The following AACS variants were observed in gnomAD, a reference collection of about 807,000 sequenced individuals.
AACS encodes acetoacetate-CoA ligase.
Under a neutral mutation model 83.1 loss-of-function variants are expected in AACS, and 69 were observed. The observed-to-expected ratio is 0.83, with a 90% CI of 0.68 to 1.01. The LOEUF is 1.01. AACS is among the 50% of genes least tolerant of loss of function. The pLI is 0.00. For missense variants in AACS, 866 were observed against 882.2 expected (o/e 0.98, Z 0.23); for synonymous variants, 333 against 343.4 (o/e 0.97, Z 0.33).
chr12:125,121,019 G>A (rs891395624), intron 10 of AACS: 2 of 152,344 alleles, frequency 1.3e-5, no homozygotes, highest in Non-Finnish European at 2.9e-5. Context: ...ACGCGTACAT[G>A]TGCAAGTGTT....
At chr12:125,070,970 A>G (rs1037150946) in intron 1 of AACS, among the ~76,000 whole-genome samples, 2 of 152,220 alleles carry the variant, frequency 1.3e-5, no homozygotes, top group African/African-American at 4.8e-5. Context: ...TCAGCCCAAA[A>G]GTTAGCGACT....
intron 4 of AACS, among the ~76,000 whole-genome samples, chr12:125,090,666 A>T (rs1327335541): frequency 6.7e-6 from 1 of 149,668 alleles, no homozygotes; most frequent in Non-Finnish European, 1.5e-5. Context: ...TCTATCCTCC[A>T]TCTGTCATCC....
Position 125,090,442 on chromosome 12 carries a change from CATCCATCCAACT to C in AACS, c.473-971_473-960del, listed in dbSNP as rs1479440071. ...TCTTCCATTCATCATCCTCATCCAC[CATCCATCCAACT>C]ATCCATCCAACTGTCTATACATTCT... On this transcript the variant is annotated intron_variant, in intron 4 of 17. Coordinates refer to ENST00000316519, the MANE Select transcript of AACS (RefSeq NM_023928.5). Among the ~76,000 whole-genome samples, 40 of 152,206 alleles carry C rather than the reference CATCCATCCAACT, an allele frequency of 2.6e-4. 1 individual carries two copies. In the South Asian group the frequency reaches 8.1e-3, roughly 31 times the overall value.
Position 125,136,879 on chromosome 12 carries a change from C to T in AACS, c.1881+15C>T, listed in dbSNP as rs199809157. ...AGGGCATCCCGGTATGGCCATCTCC[C>T]GCCAGCGAGGAGACCGCAGCCATCG... On this transcript the variant is annotated intron_variant, in intron 17 of 17. Coordinates refer to ENST00000316519, the MANE Select transcript of AACS (RefSeq NM_023928.5). The T allele has an allele frequency of 1.3e-4, 212 of 1,610,676 alleles. No individual in the cohort carries two copies. The highest frequency in any genetic ancestry group is 1.8e-4 in the Non-Finnish European group (210 of 1,179,344).
Position 125,132,772 on chromosome 12 carries a change from A to G in AACS, c.1550-1231A>G, listed in dbSNP as rs117211287. On this transcript the variant is annotated intron_variant, in intron 14 of 17. Transcript: ENST00000316519. ...CCTCCCAGGGACCATGCACTCCTGT[A>G]CACAGTCCCCTTGGCCTTCGTCCCC... Among the ~76,000 whole-genome samples the G allele has an allele frequency of 2.0e-4, 30 of 152,264 alleles. No individual in the cohort carries two copies. The East Asian group carries it at 5.6e-3, about 28-fold the overall frequency.
At chr12:125,088,336 G>T (rs59349542) in intron 4 of AACS, among the ~76,000 whole-genome samples, 5,191 of 151,798 alleles carry the variant, frequency 0.034, 182 homozygotes, top group East Asian at 0.091. Context: ...GGGCTCAAGG[G>T]ATCCTCCTAC....
chr12:125,102,091 C>CAAAA (rs1491144670), intron 5 of AACS: 1 of 147,468 alleles, frequency 6.8e-6, no homozygotes, highest in African/African-American at 2.6e-5. Context: ...AAAAAAAAAA[C>CAAAA]CAGAATCTTG....
chr12:125,085,010 G>A (rs1161983023), intron 3 of AACS, among the ~76,000 whole-genome samples: 1 of 152,016 alleles, frequency 6.6e-6, no homozygotes, highest in African/African-American at 2.4e-5. Context: ...ACTTCTCTCA[G>A]CCTATATAAC....
chr12:125,095,926 C>T (rs1016189938), intron 5 of AACS, among the ~76,000 whole-genome samples: 11 of 152,230 alleles, frequency 7.2e-5, no homozygotes, highest in Non-Finnish European at 1.5e-4. Context: ...AAGTCACTCA[C>T]CCCGTTCCTG....
At position 125,130,778 on chromosome 12, in the gene AACS, C is replaced by T. The variant is rs1401937164; in HGVS notation, c.1549+1318C>T. Among the ~76,000 whole-genome samples the T allele has an allele frequency of 6.6e-6, 1 of 152,126 alleles. No homozygotes were observed. The highest frequency in any genetic ancestry group is 1.5e-5 in the Non-Finnish European group (1 of 68,032). ...TGCTTTGTTTTTGTAGTCCTCTTAC[C>T]TTTAGGGTAAGATTTTGCTTCTCTT... On this transcript the variant is annotated intron_variant, in intron 14 of 17. Coordinates refer to ENST00000316519, the MANE Select transcript of AACS (RefSeq NM_023928.5). The surrounding 1 kb of genome is among the most constrained non-coding windows in gnomAD (Gnocchi z 4.9).
intron 16 of AACS, among the ~76,000 whole-genome samples, chr12:125,135,090 A>G (rs746352675): frequency 1.3e-5 from 2 of 149,946 alleles, no homozygotes; most frequent in Non-Finnish European, 3.0e-5. Flanking sequence ...ATTATAGCTC[A>G]TCCTCCCGGT....
chr12:125,076,574 GCA>G lies in AACS; in HGVS notation c.324_325del (p.His108GlnfsTer4), dbSNP rs1956028527. The G allele has an allele frequency of 7.4e-6, 12 of 1,614,140 alleles. No individual in the cohort carries two copies. The highest frequency in any genetic ancestry group is 1.0e-5 in the Non-Finnish European group (12 of 1,179,998). ...RLNYAENLLR[H>X]KENDRVALYI... is the part of the protein sequence containing the mutation. Reference sequence around the variant, plus strand: ...TCAACTATGCAGAAAACCTCCTGCGGCACAAAGAGAATGACAGAGTTGCCCTT... The same window carrying G: ...TCAACTATGCAGAAAACCTCCTGCGGCAAAGAGAATGACAGAGTTGCCCTT... On this transcript the variant is annotated frameshift_variant, in exon 3 of 18. Transcript: ENST00000316519. LOFTEE classifies it high-confidence loss of function.
At chr12:125,068,317 G>A (rs1422699813) in intron 1 of AACS, among the ~76,000 whole-genome samples, 1 of 152,162 alleles carries the variant, frequency 6.6e-6, no homozygotes, top group Non-Finnish European at 1.5e-5. Flanking sequence ...AAATTATCTG[G>A]GTGTGGTGGC....
rs765670318 is a variant in AACS, at chr12:125,114,436, G to A, written c.916-41G>A. The A allele has an allele frequency of 8.3e-6, 13 of 1,568,518 alleles. No homozygotes were observed. In the East Asian group the frequency reaches 2.9e-4, roughly 35 times the overall value. On this transcript the variant is annotated intron_variant, in intron 8 of 17. Coordinates refer to ENST00000316519, the MANE Select transcript of AACS (RefSeq NM_023928.5). ...AGGTACCAGATTCCTGGTACTGTAT[G>A]CCTAACAGAGAGCACCCGCTCCCCC...
Position 125,134,091 on chromosome 12 carries a change from G to T in AACS, c.1619+19G>T. 1 of 1,611,590 alleles carries T rather than the reference G, an allele frequency of 6.2e-7. No individual in the cohort carries two copies. The highest frequency in any genetic ancestry group is 8.5e-7 in the Non-Finnish European group (1 of 1,179,120). On this transcript the variant is annotated intron_variant, in intron 15 of 17. Transcript: ENST00000316519. ...GCCGGAGGTAAGGGCTGCAGAGTCG[G>T]CTTCTCTTTCCTGGAGCCCCACCTT... is the stretch of plus-strand genomic sequence containing the variant.
intron 13 of AACS, 132 bp downstream of exon 13, chr12:125,128,406 A>G: frequency 1.4e-6 from 1 of 738,258 alleles, no homozygotes; most frequent in South Asian, 2.3e-5. Context: ...TGTCACTTGC[A>G]GTGTGATGTC....
At chr12:125,132,979 C>T (rs1000183268) in intron 14 of AACS, among the ~76,000 whole-genome samples, 2 of 152,202 alleles carry the variant, frequency 1.3e-5, no homozygotes, top group Non-Finnish European at 2.9e-5. Flanking sequence ...GGCTGCCGCC[C>T]GTCAGTGAAG....
At chr12:125,076,227 G>A (rs1000089166) in intron 2 of AACS, among the ~76,000 whole-genome samples, 1 of 152,174 alleles carries the variant, frequency 6.6e-6, no homozygotes, top group African/African-American at 2.4e-5. Flanking sequence ...CACTGAGTAG[G>A]TGTTTAATGA....
chr12:125,079,493 C>T (rs1956113257), intron 3 of AACS, among the ~76,000 whole-genome samples: 1 of 152,134 alleles, frequency 6.6e-6, no homozygotes, highest in African/African-American at 2.4e-5. Context: ...GCGATCCTCC[C>T]ACCTTAGCCT....
Sources: gnomAD v4.1 joint callset for allele counts (sites outside exome capture counted in the v4.1 genomes callset) on GRCh38, gnomAD v4.1.1 for gene constraint, Gnocchi (gnomAD v3.1) non-coding constraint, MANE v1.5 for transcripts, NCBI Gene and HGNC (gene_info 2026-07-23, HGNC 2026-07-21) for gene names.